Variants in DHRSX observed in about 807,000 individuals in gnomAD.
DHRSX encodes the protein dehydrogenase/reductase X-linked.
In DHRSX, 31 loss-of-function variants were observed where a neutral mutation model predicts 34.0. The observed-to-expected ratio is 0.91, with a 90% confidence interval of 0.69 to 1.23. The LOEUF is 1.23. Ranked by LOEUF, DHRSX falls within the 50% of genes most tolerant of loss-of-function variation. DHRSX has a pLI of 0.00. For synonymous variants in DHRSX, 201 were observed against 183.8 expected (o/e 1.09, Z -0.76); for missense variants, 414 against 428.1 (o/e 0.97, Z 0.29).
intron 3 of DHRSX, among the ~76,000 whole-genome samples, chrX:2,349,197 C>T (rs960901474): frequency 1.3e-5 from 2 of 152,048 alleles, no homozygotes; most frequent in Non-Finnish European, 2.9e-5. Flanking sequence ...CATTTGCACC[C>T]CCATGTTTAT....
At chrX:2,269,782 C>T (rs1157815414) in intron 4 of DHRSX, among the ~76,000 whole-genome samples, 4 of 152,108 alleles carry the variant, frequency 2.6e-5, no homozygotes, top group African/African-American at 4.8e-5. Context: ...TCAGGGGATC[C>T]GCCCACCTCG....
chrX:2,406,647 G>A (rs1337189207), intron 3 of DHRSX, among the ~76,000 whole-genome samples: 4 of 151,888 alleles, frequency 2.6e-5, no homozygotes, highest in Non-Finnish European at 4.4e-5. Context: ...CACCATGTTA[G>A]CCAGGCTGGT....
chrX:2,339,812 A>G (rs1050978342), intron 3 of DHRSX, among the ~76,000 whole-genome samples: 12 of 152,108 alleles, frequency 7.9e-5, no homozygotes, highest in African/African-American at 2.9e-4. Context: ...CTATGTGAAT[A>G]GTGCCACAAT....
intron 3 of DHRSX, among the ~76,000 whole-genome samples, chrX:2,346,650 T>TG (rs201317064): frequency 8.8e-6 from 1 of 113,996 alleles, no homozygotes; most frequent in Non-Finnish European, 1.9e-5. Flanking sequence ...GTCTGGTTTT[T>TG]TTTTTGTTGT....
At chrX:2,294,058 C>G (rs2041899450) in intron 3 of DHRSX, among the ~76,000 whole-genome samples, 1 of 148,862 alleles carries the variant, frequency 6.7e-6, no homozygotes, top group African/African-American at 2.5e-5. Flanking sequence ...AAGATAGAAG[C>G]AGAGAGAGAG....
chrX:2,366,291 A>C (rs1416927151), intron 3 of DHRSX, among the ~76,000 whole-genome samples: 6 of 151,762 alleles, frequency 4.0e-5, no homozygotes, highest in African/African-American at 1.2e-4. Context: ...AAAATACAAA[A>C]CTAGCCAGGA....
At chrX:2,451,398 G>A (rs1350691265) in intron 1 of DHRSX, among the ~76,000 whole-genome samples, 20 of 152,128 alleles carry the variant, frequency 1.3e-4, no homozygotes, top group Admixed American at 1.3e-3. Context: ...CACACTAGAA[G>A]CCTCTGATAG....
In DHRSX at chrX:2,403,658, A is replaced by C. The variant is rs929260156; in HGVS notation, c.286+5087T>G. On this transcript the variant is annotated intron_variant, in intron 3 of 6. Coordinates refer to ENST00000334651, the MANE Select transcript of DHRSX (RefSeq NM_145177.3). ...ATATCTGAGGTCAAGAGTTTGAGAC[A>C]AGCCTGGCTAACACGGTGAAACCCC... Among the ~76,000 whole-genome samples, 31 of 152,126 alleles carry C rather than the reference A, an allele frequency of 2.0e-4. 1 individual carries two copies. The highest frequency in any genetic ancestry group is 1.5e-3 in the Admixed American group (23 of 15,252).
intron 5 of DHRSX, among the ~76,000 whole-genome samples, chrX:2,257,392 G>T (rs144844306): frequency 6.6e-6 from 1 of 152,164 alleles, no homozygotes; most frequent in Admixed American, 6.5e-5. Flanking sequence ...ACAATAATTC[G>T]GGGAACACAC....
At chrX:2,439,101 T>C (rs1170241948) in intron 1 of DHRSX, among the ~76,000 whole-genome samples, 6 of 150,110 alleles carry the variant, frequency 4.0e-5, no homozygotes, top group Admixed American at 2.0e-4. Context: ...GCTCAGATCA[T>C]GCCATTGCAC....
chrX:2,489,973 T>A, intron 1 of DHRSX: 39 of 1,613,874 alleles, frequency 2.4e-5, no homozygotes, highest in Non-Finnish European at 3.3e-5. Context: ...CATAGAGCAC[T>A]CGCGTGATGG....
chrX:2,463,461 A>G (rs2044431232), intron 1 of DHRSX, among the ~76,000 whole-genome samples: 1 of 152,052 alleles, frequency 6.6e-6, no homozygotes, highest in African/African-American at 2.4e-5. Flanking sequence ...CTACACGGAT[A>G]TAAAGAAACA....
intron 3 of DHRSX, among the ~76,000 whole-genome samples, chrX:2,324,995 C>T (rs1335408346): frequency 1.3e-5 from 2 of 150,016 alleles, no homozygotes; most frequent in Admixed American, 1.3e-4. Flanking sequence ...AGGCTCGTCT[C>T]GAACCCCTGA....
intron 1 of DHRSX, among the ~76,000 whole-genome samples, chrX:2,492,123 G>A (rs779570917): frequency 3.9e-5 from 6 of 152,318 alleles, no homozygotes; most frequent in Non-Finnish European, 5.9e-5. Context: ...GTTGAAAAGC[G>A]TCCTCCCCTA....
chrX:2,337,430 A>C (rs2042582500), intron 3 of DHRSX, among the ~76,000 whole-genome samples: 1 of 152,192 alleles, frequency 6.6e-6, no homozygotes, highest in African/African-American at 2.4e-5. Flanking sequence ...ATATAAAATT[A>C]CTGCTAATAG....
intron 6 of DHRSX, among the ~76,000 whole-genome samples, chrX:2,225,245 GCT>G (rs1375489035): frequency 6.8e-6 from 1 of 147,030 alleles, no homozygotes; most frequent in Non-Finnish European, 1.5e-5. Context: ...AGTCACACAT[GCT>G]CACACTCATT....
At chrX:2,450,818 A>C (rs1414338488) in intron 1 of DHRSX, among the ~76,000 whole-genome samples, 4 of 151,982 alleles carry the variant, frequency 2.6e-5, no homozygotes, top group African/African-American at 9.7e-5. Flanking sequence ...TCCTCCCCCA[A>C]ATTCCTGCAT....
chrX:2,442,378 T>C (rs1251545899), intron 1 of DHRSX, among the ~76,000 whole-genome samples: 1 of 151,622 alleles, frequency 6.6e-6, no homozygotes, highest in Non-Finnish European at 1.5e-5. Flanking sequence ...ACACCTGTGT[T>C]GTTCAAAGGT....
chrX:2,378,488 A>G (rs1384177701), intron 3 of DHRSX, among the ~76,000 whole-genome samples: 2 of 152,076 alleles, frequency 1.3e-5, no homozygotes, highest in African/African-American at 4.8e-5. Context: ...GGATGAAGAC[A>G]TTTATCATGA....
Sources: allele counts gnomAD v4.1 joint callset (sites outside exome capture counted in the v4.1 genomes callset), GRCh38; gene constraint gnomAD v4.1.1; transcripts MANE v1.5; gene names NCBI Gene and HGNC (gene_info 2026-07-23, HGNC 2026-07-21).